The following CATSPERE variants were observed in gnomAD, a reference collection of about 807,000 sequenced individuals.
CATSPERE encodes catsper channel auxiliary subunit epsilon.
Under a neutral mutation model 114.1 loss-of-function variants are expected in CATSPERE, and 93 were observed. The ratio of observed to expected loss-of-function variants is 0.81; its 90% CI spans 0.69 to 0.97. The LOEUF is 0.97. Among genes scored for constraint, CATSPERE ranks in the 50% least tolerant of loss-of-function variants. The pLI, the probability that CATSPERE is intolerant of heterozygous loss-of-function variation, is 0.00. For missense variants in CATSPERE, 1,058 were observed against 1,131.6 expected (o/e 0.93, Z 0.93); for synonymous variants, 341 against 384.1 (o/e 0.89, Z 1.31).
At chr1:244,505,150 G>T (rs1674627274) in intron 7 of CATSPERE, among the ~76,000 whole-genome samples, 1 of 152,050 alleles carries the variant, frequency 6.6e-6, no homozygotes, top group African/African-American at 2.4e-5. Flanking sequence ...TTGTTGTTTG[G>T]TTGTTTTGTT....
chr1:244,574,524 G>GT (rs1253893884), intron 11 of CATSPERE, among the ~76,000 whole-genome samples: 1 of 152,116 alleles, frequency 6.6e-6, no homozygotes, highest in South Asian at 2.1e-4. Context: ...TGATTTTATA[G>GT]TTTTTTTCTC....
chr1:244,617,391 TA>T (rs1221852638), intron 19 of CATSPERE, 137 bp from the exon 20 acceptor site: 5 of 609,172 alleles, frequency 8.2e-6, no homozygotes, highest in Non-Finnish European at 8.0e-6. Flanking sequence ...TAAAGTGCTA[TA>T]AAGAGCACTG....
chr1:244,637,644 A>G (rs1406943886), intron 21 of CATSPERE, among the ~76,000 whole-genome samples: 2 of 152,052 alleles, frequency 1.3e-5, no homozygotes. Context: ...TTCAAAGTCT[A>G]TTATTTCAAC....
intron 7 of CATSPERE, among the ~76,000 whole-genome samples, chr1:244,502,735 T>C (rs1674255208): frequency 6.6e-6 from 1 of 152,128 alleles, no homozygotes; most frequent in African/African-American, 2.4e-5. Flanking sequence ...AGGAAAAGTG[T>C]GCCAGGAAAG....
intron 19 of CATSPERE, among the ~76,000 whole-genome samples, chr1:244,616,827 CCAAAGT>C (rs1573023954): frequency 6.6e-6 from 1 of 152,144 alleles, no homozygotes; most frequent in East Asian, 1.9e-4. Flanking sequence ...TCAGACACAT[CCAAAGT>C]AATTGCCTTA....
At chr1:244,459,953 A>G (rs538476994), upstream of CATSPERE, among the ~76,000 whole-genome samples, 69 of 152,346 alleles carry the variant, frequency 4.5e-4, no homozygotes, top group Non-Finnish European at 8.8e-4. Context: ...AGCAGGAAGA[A>G]GCCAGAGCTA....
intron 6 of CATSPERE, among the ~76,000 whole-genome samples, chr1:244,495,117 T>TTTAC (rs1672888595): frequency 6.6e-6 from 1 of 152,014 alleles, no homozygotes; most frequent in Admixed American, 6.6e-5. Context: ...CTCACAGACC[T>TTTAC]TTACGTTAAT....
chr1:244,544,558 A>G (rs1261288878), intron 8 of CATSPERE, among the ~76,000 whole-genome samples: 2 of 152,230 alleles, frequency 1.3e-5, no homozygotes, highest in African/African-American at 4.8e-5. Flanking sequence ...TATGGTGAGT[A>G]AGGCCATGTG....
chr1:244,607,635 G>A lies in CATSPERE; in HGVS notation c.2403+1841G>A, dbSNP rs1044311237. 6.6e-6 allele frequency among the ~76,000 whole-genome samples: 1 copy of A among 152,176 alleles called. No individual in the cohort carries two copies. The highest frequency in any genetic ancestry group is 1.5e-5 in the Non-Finnish European group (1 of 68,020). Reference sequence around the variant, plus strand: ...AAGAAGGAATCACGTGAACCTTCACGCTTTCCATCATACCTCACATCAGTG... The same window carrying A: ...AAGAAGGAATCACGTGAACCTTCACACTTTCCATCATACCTCACATCAGTG... On this transcript the variant is annotated intron_variant, in intron 18 of 21. Coordinates refer to ENST00000366534, the MANE Select transcript of CATSPERE (RefSeq NM_001130957.2). This position sits in a 1 kb window ranked among gnomAD's most constrained non-coding sequence, Gnocchi z 4.4.
chr1:244,585,893 T>C (rs1666953994), intron 13 of CATSPERE, among the ~76,000 whole-genome samples: 1 of 152,172 alleles, frequency 6.6e-6, no homozygotes, highest in Non-Finnish European at 1.5e-5. Context: ...CCAGAGGGCC[T>C]TAGTAAATCC....
chr1:244,585,546 C>A (rs1232027469), intron 13 of CATSPERE, among the ~76,000 whole-genome samples: 1 of 152,172 alleles, frequency 6.6e-6, no homozygotes, highest in Non-Finnish European at 1.5e-5. Context: ...GTGAAGTATG[C>A]CTTCAACCAC....
intron 7 of CATSPERE, among the ~76,000 whole-genome samples, chr1:244,516,896 G>A (rs994859254): frequency 4.6e-5 from 7 of 152,018 alleles, no homozygotes; most frequent in Admixed American, 2.0e-4. Context: ...AAAAGAAATA[G>A]TCCTAACCAT....
At chr1:244,528,591 C>G (rs186718696) in intron 8 of CATSPERE, among the ~76,000 whole-genome samples, 100 of 152,034 alleles carry the variant, frequency 6.6e-4, no homozygotes, top group African/African-American at 2.3e-3. Context: ...ATAATCATAT[C>G]AGGGTAAGTG....
At chr1:244,594,180 CATG>C (rs1178108242) in intron 17 of CATSPERE, among the ~76,000 whole-genome samples, 2 of 151,988 alleles carry the variant, frequency 1.3e-5, no homozygotes, top group Non-Finnish European at 2.9e-5. Context: ...ATTAGCCAGG[CATG>C]GTGGTGTGTG....
At chr1:244,452,202 T>G, upstream of CATSPERE, 1 of 162,336 alleles carries the variant, frequency 6.2e-6, no homozygotes, top group Non-Finnish European at 1.3e-5. Flanking sequence ...GCACCCCGCC[T>G]ACCCGCTCTA....
intron 20 of CATSPERE, among the ~76,000 whole-genome samples, chr1:244,631,682 C>G (rs1167032349): frequency 2.0e-5 from 3 of 152,034 alleles, no homozygotes; most frequent in African/African-American, 4.8e-5. Context: ...AAATGAATGA[C>G]AAAAAGCATA....
rs111894360 is a variant in CATSPERE, at chr1:244,568,890, GA to G, written c.1508-3432del. On this transcript the variant is annotated intron_variant, in intron 10 of 21. Transcript: ENST00000366534. The surrounding 1 kb of genome is among the most constrained non-coding windows in gnomAD (Gnocchi z 4.4). ...GGTGTTCCTGGCACCACTGGGGTAT[GA>G]AAAAAAACAAAAACAAAAACAAAGA... Among the ~76,000 whole-genome samples the G allele has an allele frequency of 1.9e-3, 283 of 151,810 alleles. 2 individuals carry two copies. The highest frequency in any genetic ancestry group is 6.4e-3 in the African/African-American group (264 of 41,396).
Position 244,603,812 on chromosome 1 carries a change from G to C in CATSPERE, c.2304-1883G>C, listed in dbSNP as rs186218473. Among the ~76,000 whole-genome samples, 379 of 152,124 alleles carry C rather than the reference G, an allele frequency of 2.5e-3. 5 individuals are homozygous for C. Among genetic ancestry groups the C allele is most frequent in the East Asian group, 0.014 (70 of 5,164 alleles). ...TTTGAGGCCAGGTGTTCAAGATGAG[G>C]CTGGACAACATAGTGAGACTCCCCA... is the stretch of plus-strand genomic sequence containing the variant. On this transcript the variant is annotated intron_variant, in intron 17 of 21. Coordinates refer to ENST00000366534, the MANE Select transcript of CATSPERE (RefSeq NM_001130957.2).
In CATSPERE at chr1:244,617,640, T is replaced by C. The variant is rs1279507556; in HGVS notation, c.2602T>C (p.Ser868Pro). 3 of 1,545,774 alleles carry C rather than the reference T, an allele frequency of 1.9e-6. No individual in the cohort carries two copies. The highest frequency in any genetic ancestry group is 2.6e-6 in the Non-Finnish European group (3 of 1,145,586). The change falls in exon 20 of 22, where the codon TCT (serine) becomes CCT (proline). Residue 868 changes from serine (S) to proline (P), a missense_variant. Physicochemically the swap from Ser to Pro is moderately conservative, Grantham distance 74 (BLOSUM62 -1). Coordinates refer to ENST00000366534, the MANE Select transcript of CATSPERE (RefSeq NM_001130957.2). ...CCATATATTTTGGCCCATGGGCCAT[T>C]CTGGAATGTATGTATTTCGTGTGAA... The part of the protein sequence containing the change: ...GNHIFWPMGH[S>P]GMYVFRVKIL...
Sources: gnomAD v4.1 joint callset for allele counts (sites outside exome capture counted in the v4.1 genomes callset) on GRCh38, gnomAD v4.1.1 for gene constraint, Gnocchi (gnomAD v3.1) non-coding constraint, MANE v1.5 for transcripts, NCBI Gene and HGNC (gene_info 2026-07-23, HGNC 2026-07-21) for gene names.